Variants in RIT2 observed in about 807,000 individuals in gnomAD.
RIT2 encodes GTP-binding protein Rit2.
Under a neutral mutation model 23.7 loss-of-function variants are expected in RIT2, and 24 were observed. That is an observed-to-expected ratio of 1.01 (90% CI 0.73 to 1.43). The LOEUF (loss-of-function observed/expected upper bound fraction) is 1.43. Among genes scored for constraint, RIT2 ranks in the 40% most tolerant of loss-of-function variants. The pLI, the probability that RIT2 is intolerant of heterozygous loss-of-function variation, is 0.00. For missense variants in RIT2, 236 were observed against 266.9 expected (o/e 0.88, Z 0.81); for synonymous variants, 107 against 91.1 (o/e 1.17, Z -0.99).
chr18:42,969,226 C>A (rs188142622), intron 3 of RIT2, among the ~76,000 whole-genome samples: 1 of 152,150 alleles, frequency 6.6e-6, no homozygotes, highest in East Asian at 1.9e-4. Flanking sequence ...ACAATTCTAG[C>A]CCATTTTATT....
intron 3 of RIT2, among the ~76,000 whole-genome samples, chr18:42,924,863 T>G (rs947960099): frequency 6.6e-6 from 1 of 152,092 alleles, no homozygotes; most frequent in Non-Finnish European, 1.5e-5. Flanking sequence ...TTTATGTAGA[T>G]CCAGGAACTT....
chr18:42,751,740 A>G (rs1913051130), intron 4 of RIT2, among the ~76,000 whole-genome samples: 5 of 152,012 alleles, frequency 3.3e-5, no homozygotes, highest in Admixed American at 3.3e-4. Context: ...ATTCTGTGCT[A>G]TCTAATGGAA....
intron 4 of RIT2, among the ~76,000 whole-genome samples, chr18:42,789,936 A>C (rs1914004977): frequency 6.6e-6 from 1 of 152,190 alleles, no homozygotes; most frequent in African/African-American, 2.4e-5. Context: ...TTTCCCATTC[A>C]ATGTGATAAT....
At chr18:42,802,270 A>C (rs1301765792) in intron 4 of RIT2, among the ~76,000 whole-genome samples, 2 of 152,218 alleles carry the variant, frequency 1.3e-5, no homozygotes, top group Non-Finnish European at 2.9e-5. Flanking sequence ...AAACCAGTTT[A>C]TACAAAATGA....
At chr18:43,031,793 G>T (rs1434379713) in intron 2 of RIT2, among the ~76,000 whole-genome samples, 1 of 152,034 alleles carries the variant, frequency 6.6e-6, no homozygotes, top group African/African-American at 2.4e-5. Context: ...CAGATCTAGA[G>T]AAGGATTGAA....
At chr18:43,080,665 T>C (rs995008739) in intron 1 of RIT2, among the ~76,000 whole-genome samples, 1 of 152,226 alleles carries the variant, frequency 6.6e-6, no homozygotes, top group African/African-American at 2.4e-5. Context: ...AAACCCACTA[T>C]ATGCTTATTT....
At chr18:43,104,328 C>T (rs990418437) in intron 1 of RIT2, among the ~76,000 whole-genome samples, 2 of 152,030 alleles carry the variant, frequency 1.3e-5, no homozygotes, top group Non-Finnish European at 2.9e-5. Context: ...AAAATCACAG[C>T]TAGATGGGAG....
At chr18:42,931,885 C>G (rs757374044) in intron 3 of RIT2, among the ~76,000 whole-genome samples, 8 of 152,056 alleles carry the variant, frequency 5.3e-5, no homozygotes, top group Non-Finnish European at 1.0e-4. Context: ...TTTAGAGTAT[C>G]AGATAGGATA....
chr18:43,068,888 C>A (rs1912836018), intron 1 of RIT2, among the ~76,000 whole-genome samples: 1 of 152,036 alleles, frequency 6.6e-6, no homozygotes, highest in Non-Finnish European at 1.5e-5. Flanking sequence ...CTCAGCATTT[C>A]AGAGGCATTC....
chr18:42,991,666 G>T (rs1209575884), intron 2 of RIT2, among the ~76,000 whole-genome samples: 2 of 151,940 alleles, frequency 1.3e-5, no homozygotes, highest in Admixed American at 6.6e-5. Context: ...AATGAAAATG[G>T]CCTGTTCCTG....
At chr18:43,017,770 C>T (rs1911506510) in intron 2 of RIT2, among the ~76,000 whole-genome samples, 1 of 152,032 alleles carries the variant, frequency 6.6e-6, no homozygotes, top group African/African-American at 2.4e-5. Context: ...TTCAGTAAAT[C>T]ATATGTAGAA....
chr18:43,069,764 G>T (rs898299637), intron 1 of RIT2, among the ~76,000 whole-genome samples: 1 of 152,060 alleles, frequency 6.6e-6, no homozygotes, highest in Non-Finnish European at 1.5e-5. Context: ...ATAACTTATT[G>T]ATGTTTCTTT....
At chr18:43,061,101 G>A (rs1481618772) in intron 1 of RIT2, among the ~76,000 whole-genome samples, 1 of 152,084 alleles carries the variant, frequency 6.6e-6, no homozygotes, top group Non-Finnish European at 1.5e-5. Context: ...AAGTAGTACA[G>A]TGTAATATAA....
intron 4 of RIT2, among the ~76,000 whole-genome samples, chr18:42,800,515 A>AGTCTTTTTTTTTTTTTTT (rs778123657): frequency 2.4e-5 from 1 of 41,320 alleles, no homozygotes; most frequent in Non-Finnish European, 5.2e-5. Context: ...AAGCAGTTAC[A>AGTCTTTTTTTTTTTTTTT]TTCTTTTTTT....
chr18:43,076,995 C>A (rs932655173), intron 1 of RIT2, among the ~76,000 whole-genome samples: 1 of 148,592 alleles, frequency 6.7e-6, no homozygotes, highest in African/African-American at 2.5e-5. Flanking sequence ...CCCAGCTACT[C>A]GGGAGGCTGA....
At chr18:43,106,165 T>C (rs1043733007) in intron 1 of RIT2, among the ~76,000 whole-genome samples, 4 of 152,234 alleles carry the variant, frequency 2.6e-5, no homozygotes, top group African/African-American at 9.6e-5. Context: ...GGGTCAGGTA[T>C]ATGCAAAACT....
chr18:43,097,519 G>T (rs1913582473), intron 1 of RIT2, among the ~76,000 whole-genome samples: 1 of 151,852 alleles, frequency 6.6e-6, no homozygotes, highest in African/African-American at 2.4e-5. Context: ...GAAGATTCCA[G>T]AAAGCTATTG....
chr18:42,832,886 C>T (rs749392768), intron 4 of RIT2, among the ~76,000 whole-genome samples: 12 of 151,806 alleles, frequency 7.9e-5, no homozygotes, highest in Non-Finnish European at 1.6e-4. Flanking sequence ...AACCCCGTCT[C>T]TATTAAAAAT....
intron 2 of RIT2, among the ~76,000 whole-genome samples, chr18:43,005,701 TTAAA>T (rs1191905409): frequency 6.6e-6 from 1 of 151,782 alleles, no homozygotes; most frequent in Non-Finnish European, 1.5e-5. Flanking sequence ...AAACCATCAC[TTAAA>T]TAAAGTATCC....
Sources: gnomAD v4.1 joint callset for allele counts (sites outside exome capture counted in the v4.1 genomes callset) on GRCh38, gnomAD v4.1.1 for gene constraint, MANE v1.5 for transcripts, NCBI Gene and HGNC (gene_info 2026-07-23, HGNC 2026-07-21) for gene names.